The following POC1B variants were observed in gnomAD, a reference collection of about 807,000 sequenced individuals.
The protein encoded by POC1B is POC1 centriolar protein B, also known as POC1 centriolar protein homolog B.
In POC1B, 44 loss-of-function variants were observed where a neutral mutation model predicts 60.6. The observed-to-expected ratio is 0.73, with a 90% confidence interval of 0.57 to 0.93. The LOEUF is 0.93. Ranked by LOEUF, POC1B falls within the 40% of genes least tolerant of loss-of-function variation. The pLI is 0.00. For missense variants in POC1B, 555 were observed against 572.3 expected, an observed-to-expected ratio of 0.97 and a Z score of 0.31; for synonymous variants, 180 against 198.9, an observed-to-expected ratio of 0.90 and a Z score of 0.80.
chr12:89,416,746 T>C (rs983989746), downstream of POC1B, among the ~76,000 whole-genome samples: 1 of 152,216 alleles, frequency 6.6e-6, no homozygotes, highest in African/African-American at 2.4e-5. Flanking sequence ...TTAGTTAATA[T>C]AAAATTTCCA....
intron 2 of POC1B, chr12:89,524,489 C>T (rs201071638): frequency 1.7e-4 from 274 of 1,613,048 alleles, no homozygotes; most frequent in Non-Finnish European, 2.2e-4. Flanking sequence ...AAGATATAGG[C>T]CACTGTTAAA....
chr12:89,447,337 G>T (rs964712764), intron 10 of POC1B, among the ~76,000 whole-genome samples: 6 of 152,010 alleles, frequency 3.9e-5, no homozygotes, highest in Admixed American at 2.0e-4. Context: ...ATAATTCACG[G>T]AACATTGAAA....
At chr12:89,409,527 C>T in the POC1B span, among the ~76,000 whole-genome samples, 1 of 151,794 alleles carries the variant, frequency 6.6e-6, no homozygotes, top group Non-Finnish European at 1.5e-5. Flanking sequence ...TTACTGTAGC[C>T]TTGTATCATA....
Position 89,471,656 on chromosome 12 carries a change from C to A in POC1B, c.634G>T (p.Val212Phe). ...AATTTGTTCACTCTTACATCCCAGA[C>A]TTTCACAGTTTGATCAGAACCTGCT... ...ASAGSDQTVK[V>F]WDVRVNKLLQ... The change falls in exon 6 of 12, where the codon GTC (valine) becomes TTC (phenylalanine). Residue 212 changes from valine (V) to phenylalanine (F), a missense_variant. Transcript: ENST00000313546. The A allele has an allele frequency of 6.2e-7, 1 of 1,611,984 alleles. No homozygotes were observed. The highest frequency in any genetic ancestry group is 2.2e-5 in the East Asian group (1 of 44,672).
chr12:89,412,854 T>TTCCATCCTC, the POC1B span, among the ~76,000 whole-genome samples: 4 of 130,010 alleles, frequency 3.1e-5, no homozygotes, highest in Non-Finnish European at 6.3e-5. Flanking sequence ...TTCCTTTCCT[T>TTCCATCCTC]CCTCCCTCCC....
At chr12:89,426,705 T>C (rs1880779053) in intron 10 of POC1B, 1 of 151,658 alleles carries the variant, frequency 6.6e-6, no homozygotes, top group Non-Finnish European at 1.5e-5. Context: ...ACGCCTGTAA[T>C]CCCAGCTACT....
At chr12:89,423,928 A>G (rs1462515650) in intron 11 of POC1B, among the ~76,000 whole-genome samples, 1 of 152,264 alleles carries the variant, frequency 6.6e-6, no homozygotes, top group Non-Finnish European at 1.5e-5. Context: ...AGTTGAGGTG[A>G]GGAAGTTATG....
At chr12:89,479,870 A>G (rs542721047) in intron 4 of POC1B, among the ~76,000 whole-genome samples, 1 of 152,358 alleles carries the variant, frequency 6.6e-6, no homozygotes, top group African/African-American at 2.4e-5. Context: ...TTAAATATCT[A>G]GTTGTTTAAT....
intron 3 of POC1B, among the ~76,000 whole-genome samples, chr12:89,494,333 G>A (rs531739035): frequency 3.2e-4 from 48 of 152,202 alleles, no homozygotes; most frequent in African/African-American, 1.0e-3. Context: ...TTACAGGTGC[G>A]AGTCATGCCC....
At chr12:89,485,720 A>G (rs1868599121) in intron 4 of POC1B, among the ~76,000 whole-genome samples, 1 of 152,120 alleles carries the variant, frequency 6.6e-6, no homozygotes, top group South Asian at 2.1e-4. Flanking sequence ...ATGCACCAGT[A>G]CTCCTGGATT....
chr12:89,523,440 A>G, intron 2 of POC1B: 1 of 1,614,096 alleles, frequency 6.2e-7, no homozygotes, highest in Non-Finnish European at 8.5e-7. Flanking sequence ...TGGGGCGAGC[A>G]TATGGTGCCC....
At chr12:89,488,767 A>G (rs1439522219) in intron 4 of POC1B, among the ~76,000 whole-genome samples, 1 of 152,146 alleles carries the variant, frequency 6.6e-6, no homozygotes, top group Non-Finnish European at 1.5e-5. Flanking sequence ...GATTACGGGC[A>G]TGAGTCACTG....
intron 10 of POC1B, among the ~76,000 whole-genome samples, chr12:89,435,060 T>G (rs1881196574): frequency 6.6e-6 from 1 of 152,046 alleles, no homozygotes; most frequent in Non-Finnish European, 1.5e-5. Flanking sequence ...GAAGCCAATC[T>G]AACATCAAAC....
At chr12:89,501,495 G>A (rs1869564220) in intron 2 of POC1B, 1 of 981,184 alleles carries the variant, frequency 1.0e-6, no homozygotes, top group Non-Finnish European at 1.6e-6. Flanking sequence ...ATATGGAAGA[G>A]CGTGAAGAGA....
At position 89,526,008 on chromosome 12, in the gene POC1B, G is replaced by C; in HGVS notation, c.-113C>G. Reference sequence around the variant, plus strand: ...GCTCCCGGAACCGTCTGCCCAGAGCGGCAGCGCCTCCCGGTCACTACAACA... The same window carrying C: ...GCTCCCGGAACCGTCTGCCCAGAGCCGCAGCGCCTCCCGGTCACTACAACA... On this transcript the variant is annotated 5_prime_UTR_variant, in exon 1 of 12. Transcript: ENST00000313546. 1 of 1,540,540 alleles carries C rather than the reference G, an allele frequency of 6.5e-7. No homozygotes were observed. Among genetic ancestry groups the C allele is most frequent in the Non-Finnish European group, 8.7e-7 (1 of 1,145,920 alleles).
intron 10 of POC1B, 29 bp downstream of exon 10, chr12:89,459,609 T>TAAAA: frequency 5.2e-6 from 3 of 578,776 alleles, no homozygotes; most frequent in Admixed American, 4.4e-5. Context: ...CACTTAAGTG[T>TAAAA]CAAAAAAAAA....
At chr12:89,475,456 C>T (rs1377654184) in intron 4 of POC1B, among the ~76,000 whole-genome samples, 1 of 152,106 alleles carries the variant, frequency 6.6e-6, no homozygotes, top group Non-Finnish European at 1.5e-5. Flanking sequence ...TGCATATGCT[C>T]TCTGTATGTG....
intron 2 of POC1B, among the ~76,000 whole-genome samples, chr12:89,508,913 T>C (rs1265994386): frequency 6.6e-6 from 1 of 152,222 alleles, no homozygotes; most frequent in African/African-American, 2.4e-5. Flanking sequence ...TGAAACTATG[T>C]GTCAATTAAA....
intron 10 of POC1B, among the ~76,000 whole-genome samples, chr12:89,437,663 G>A (rs1881326412): frequency 7.0e-6 from 1 of 142,560 alleles, no homozygotes; most frequent in African/African-American, 2.6e-5. Context: ...TAGCAATTTA[G>A]GCCCATATCA....
Sources: gnomAD v4.1 joint callset for allele counts (sites outside exome capture counted in the v4.1 genomes callset) on GRCh38, gnomAD v4.1.1 for gene constraint, MANE v1.5 for transcripts, NCBI Gene and HGNC (gene_info 2026-07-23, HGNC 2026-07-21) for gene names.